OPCML: variants seen among roughly 807,000 people sequenced by gnomAD.
The protein encoded by OPCML is opioid-binding protein/cell adhesion molecule.
A neutral mutation model predicts 37.8 loss-of-function variants in OPCML; 13 were observed. That is an observed-to-expected ratio of 0.34 (90% CI 0.22 to 0.55). OPCML has a LOEUF of 0.55. Among genes scored for constraint, OPCML ranks in the 20% least tolerant of loss-of-function variants. The pLI is 0.91. For synonymous variants in OPCML, 176 were observed against 168.8 expected, an observed-to-expected ratio of 1.04 and a Z score of -0.33; for missense variants, 341 against 435.6, an observed-to-expected ratio of 0.78 and a Z score of 1.93.
intron 2 of OPCML, among the ~76,000 whole-genome samples, chr11:132,686,243 A>G (rs1565775233): frequency 6.6e-6 from 1 of 152,304 alleles, no homozygotes; most frequent in East Asian, 1.9e-4. Context: ...GGGACATGAC[A>G]ATCCCAAATA....
chr11:132,989,638 TGTGTGTGTG>T (rs1483012757), intron 1 of OPCML, among the ~76,000 whole-genome samples: 13 of 136,478 alleles, frequency 9.5e-5, no homozygotes, highest in African/African-American at 3.4e-4. Flanking sequence ...TGTGTGTGTG[TGTGTGTGTG>T]TTCAGAGGTG....
rs1565646065 is a variant in OPCML, at chr11:133,458,847, G to GCACGTGTGTGTGTATATACACATAGATA, written c.61+73416_61+73417insTATCTATGTGTATATACACACACACGTG. The stretch of plus-strand genomic sequence containing the variant: ...CGTGTGTGTGTATATACACATAGAT[G>GCACGTGTGTGTGTATATACACATAGATA]CACGTGTGTGTGTATATATACACAC... On this transcript the variant is annotated intron_variant, in intron 1 of 7. Coordinates refer to ENST00000524381, the MANE Select transcript of OPCML (RefSeq NM_001012393.5). Among the ~76,000 whole-genome samples the GCACGTGTGTGTGTATATACACATAGATA allele has an allele frequency of 3.9e-3, 524 of 135,118 alleles. 57 individuals carry two copies. The highest frequency in any genetic ancestry group is 0.016 in the African/African-American group (475 of 30,080). The allele number at this position is 135,118 out of a possible 152,430, so 88.6% of individuals were successfully genotyped here.
intron 1 of OPCML, among the ~76,000 whole-genome samples, chr11:133,386,064 A>G (rs1430199890): frequency 6.6e-6 from 1 of 152,198 alleles, no homozygotes; most frequent in African/African-American, 2.4e-5. Context: ...GGAGAGGGGA[A>G]GTGTGTGTTA....
At chr11:133,465,741 C>G (rs1946963358) in intron 1 of OPCML, among the ~76,000 whole-genome samples, 1 of 152,168 alleles carries the variant, frequency 6.6e-6, no homozygotes, top group Non-Finnish European at 1.5e-5. Flanking sequence ...GACAATGTAT[C>G]CTCTCAAAGT....
chr11:132,674,456 T>C (rs546830942), intron 2 of OPCML, among the ~76,000 whole-genome samples: 4 of 152,126 alleles, frequency 2.6e-5, no homozygotes, highest in Non-Finnish European at 5.9e-5. Context: ...ATAATCAGAT[T>C]TATTTTGTGT....
intron 4 of OPCML, among the ~76,000 whole-genome samples, chr11:132,492,864 A>T (rs1004099464): frequency 2.6e-5 from 4 of 152,224 alleles, no homozygotes; most frequent in Non-Finnish European, 4.4e-5. Context: ...TGAATGAATG[A>T]ATAAATGAAC....
chr11:133,208,462 T>G lies in OPCML; in HGVS notation c.62-265452A>C, dbSNP rs909597459. Reference sequence around the variant, plus strand: ...GCAGAGTAAATCATTAAATTTCTCTTGATCTCTCAATTTTTGCATGAATAG... The same window carrying G: ...GCAGAGTAAATCATTAAATTTCTCTGGATCTCTCAATTTTTGCATGAATAG... On this transcript the variant is annotated intron_variant, in intron 1 of 7. Coordinates refer to ENST00000524381, the MANE Select transcript of OPCML (RefSeq NM_001012393.5). The surrounding 1 kb of genome is among the most constrained non-coding windows in gnomAD (Gnocchi z 8.9). 6.6e-6 allele frequency among the ~76,000 whole-genome samples: 1 copy of G among 152,206 alleles called. No homozygotes were observed. The highest frequency in any genetic ancestry group is 2.4e-5 in the African/African-American group (1 of 41,444).
intron 2 of OPCML, among the ~76,000 whole-genome samples, chr11:132,816,727 T>C (rs1939661518): frequency 6.6e-6 from 1 of 152,184 alleles, no homozygotes; most frequent in South Asian, 2.1e-4. Flanking sequence ...ATGACTCAAA[T>C]ACAACACAGA....
In OPCML at chr11:133,057,443, C is replaced by T. The variant is rs188710711; in HGVS notation, c.62-114433G>A. The stretch of plus-strand genomic sequence containing the variant: ...TCTGCCCTTCCTGTCCTGCTCTGTG[C>T]CTTGGAGACTCTGCTGTCTGCAGAT... On this transcript the variant is annotated intron_variant, in intron 1 of 7. Transcript: ENST00000524381. Among the ~76,000 whole-genome samples the T allele has an allele frequency of 1.5e-4, 23 of 152,226 alleles. 1 individual carries two copies. The highest frequency in any genetic ancestry group is 1.0e-4 in the Non-Finnish European group (7 of 68,026).
chr11:133,497,012 AT>A (rs895117071), intron 1 of OPCML, among the ~76,000 whole-genome samples: 1 of 152,108 alleles, frequency 6.6e-6, no homozygotes, highest in African/African-American at 2.4e-5. Context: ...ACTTTTCCCC[AT>A]TCAGTATTAT....
intron 1 of OPCML, among the ~76,000 whole-genome samples, chr11:133,083,135 C>T (rs914289713): frequency 1.9e-4 from 28 of 147,812 alleles, no homozygotes; most frequent in African/African-American, 7.0e-4. Flanking sequence ...ACACACCACG[C>T]ACACACACGC....
Position 132,861,603 on chromosome 11 carries a change from G to A in OPCML, c.146+81323C>T, listed in dbSNP as rs934704126. Among the ~76,000 whole-genome samples, 10 of 152,226 alleles carry A rather than the reference G, an allele frequency of 6.6e-5. No homozygotes were observed. In the East Asian group the frequency reaches 9.7e-4, roughly 15 times the overall value. On this transcript the variant is annotated intron_variant, in intron 2 of 7. Coordinates refer to ENST00000524381, the MANE Select transcript of OPCML (RefSeq NM_001012393.5). Reference sequence around the variant, plus strand: ...TGTAATCCCAGCAGTTTGGGAGGCCGAAGTGGGTGAATCACGAGGTCAGGA... The same window carrying A: ...TGTAATCCCAGCAGTTTGGGAGGCCAAAGTGGGTGAATCACGAGGTCAGGA...
At chr11:132,445,338 C>T (rs765595426) in intron 4 of OPCML, among the ~76,000 whole-genome samples, 1 of 152,156 alleles carries the variant, frequency 6.6e-6, no homozygotes, top group African/African-American at 2.4e-5. Flanking sequence ...CACTGTCAGA[C>T]CGGGAGTAGC....
intron 1 of OPCML, among the ~76,000 whole-genome samples, chr11:133,296,488 G>T (rs1283579105): frequency 6.6e-6 from 1 of 152,170 alleles, no homozygotes. Context: ...GAACAGTTTT[G>T]CAGTAACTTT....
At chr11:133,270,024 G>A (rs1000723112) in intron 1 of OPCML, among the ~76,000 whole-genome samples, 1 of 152,196 alleles carries the variant, frequency 6.6e-6, no homozygotes, top group Non-Finnish European at 1.5e-5. Context: ...GGGAGCTCCT[G>A]CATGCCGACA....
intron 1 of OPCML, among the ~76,000 whole-genome samples, chr11:133,119,356 T>G (rs1010197958): frequency 2.7e-5 from 4 of 150,216 alleles, no homozygotes; most frequent in Non-Finnish European, 4.4e-5. Context: ...TTTGGAATTC[T>G]ACTATTTCAG....
intron 2 of OPCML, among the ~76,000 whole-genome samples, chr11:132,792,926 G>C (rs1565867683): frequency 6.6e-6 from 1 of 152,188 alleles, no homozygotes; most frequent in Non-Finnish European, 1.5e-5. Flanking sequence ...AAGCATGACG[G>C]AGCCCAGTGC....
At position 133,206,925 on chromosome 11, in the gene OPCML, G is replaced by A. The variant is rs1368693443; in HGVS notation, c.62-263915C>T. 6.6e-6 allele frequency among the ~76,000 whole-genome samples: 1 copy of A among 152,016 alleles called. No homozygotes were observed. Among genetic ancestry groups the A allele is most frequent in the Non-Finnish European group, 1.5e-5 (1 of 68,014 alleles). ...CACCAATGACTGAGAAGCGAGGCCC[G>A]GATCACGTAATCCAGATGTTGCTCC... On this transcript the variant is annotated intron_variant, in intron 1 of 7. Transcript: ENST00000524381. The surrounding 1 kb of genome is among the most constrained non-coding windows in gnomAD (Gnocchi z 4.7).
rs186198813 is a variant in OPCML, at chr11:132,582,207, G to C, written c.380-53021C>G. Among the ~76,000 whole-genome samples, 506 of 151,684 alleles carry C rather than the reference G, an allele frequency of 3.3e-3. 1 individual carries two copies. The highest frequency in any genetic ancestry group is 5.7e-3 in the Non-Finnish European group (385 of 67,948). ...AAGGATCCCATGTACAATTGGGAAA[G>C]AGAACAATTTTATGATAATTTCTAC... On this transcript the variant is annotated intron_variant, in intron 3 of 7. Transcript: ENST00000524381.
Sources: gnomAD v4.1 joint callset for allele counts (sites outside exome capture counted in the v4.1 genomes callset) on GRCh38, gnomAD v4.1.1 for gene constraint, Gnocchi (gnomAD v3.1) non-coding constraint, MANE v1.5 for transcripts, NCBI Gene and HGNC (gene_info 2026-07-23, HGNC 2026-07-21) for gene names.